The following RBMS3 variants were observed in gnomAD, a reference collection of about 807,000 sequenced individuals.
The protein encoded by RBMS3 is RNA-binding motif, single-stranded-interacting protein 3.
In RBMS3, 27 loss-of-function variants were observed where a neutral mutation model predicts 66.8. The observed-to-expected ratio is 0.40, with a 90% confidence interval of 0.30 to 0.56. RBMS3 has a LOEUF of 0.56. Among genes scored for constraint, RBMS3 ranks in the 20% least tolerant of loss-of-function variants. RBMS3 has a pLI of 0.40. For synonymous variants in RBMS3, 188 were observed against 183.0 expected (o/e 1.03, Z -0.22); for missense variants, 513 against 549.5 (o/e 0.93, Z 0.66).
chr3:29,388,770 T>C (rs1210155365), intron 1 of RBMS3, among the ~76,000 whole-genome samples: 2 of 152,164 alleles, frequency 1.3e-5, no homozygotes, highest in African/African-American at 2.4e-5. Context: ...TTCACCATGT[T>C]AGCCAGGATG....
At chr3:29,712,565 G>A (rs190123121) in intron 4 of RBMS3, among the ~76,000 whole-genome samples, 14 of 152,120 alleles carry the variant, frequency 9.2e-5, no homozygotes, top group Admixed American at 5.9e-4. Context: ...TGCCCACCTC[G>A]GACTCCCAAA....
intron 12 of RBMS3, among the ~76,000 whole-genome samples, chr3:29,956,056 A>G (rs79155787): frequency 0.016 from 2,451 of 152,176 alleles, 55 homozygotes; most frequent in African/African-American, 0.055. Flanking sequence ...AAGAGCCACA[A>G]CTCAAATACT....
chr3:29,629,853 T>A (rs955987421), intron 4 of RBMS3, among the ~76,000 whole-genome samples: 4 of 152,106 alleles, frequency 2.6e-5, no homozygotes, highest in Non-Finnish European at 5.9e-5. Context: ...AATTTCTCAG[T>A]GTAAGCACTA....
intron 6 of RBMS3, among the ~76,000 whole-genome samples, chr3:29,783,541 G>T (rs564041365): frequency 6.6e-6 from 1 of 152,162 alleles, no homozygotes; most frequent in Non-Finnish European, 1.5e-5. Context: ...AACTGTTAAA[G>T]GGAGCTCTAA....
Position 29,595,616 on chromosome 3 carries a change from C to T in RBMS3, c.399+8411C>T, listed in dbSNP as rs148549636. On this transcript the variant is annotated intron_variant, in intron 4 of 14. Coordinates refer to ENST00000383767, the MANE Select transcript of RBMS3 (RefSeq NM_001003793.3). ...AAGGAAAAGGTATTTTCTCTAAACA[C>T]CATTGTTGTCCATGGGGTGTGCCTA... 2.6e-5 allele frequency among the ~76,000 whole-genome samples: 4 copies of T among 152,192 alleles called. No individual in the cohort carries two copies. In the East Asian group the frequency reaches 5.8e-4, roughly 22 times the overall value.
intron 3 of RBMS3, among the ~76,000 whole-genome samples, chr3:29,584,781 A>C (rs1288182444): frequency 6.6e-6 from 1 of 151,894 alleles, no homozygotes; most frequent in Non-Finnish European, 1.5e-5. Context: ...CAAAGCATCC[A>C]TTTCACCCTA....
intron 10 of RBMS3, among the ~76,000 whole-genome samples, chr3:29,922,444 G>A (rs1409137415): frequency 2.0e-5 from 3 of 147,494 alleles, no homozygotes; most frequent in African/African-American, 7.6e-5. Flanking sequence ...CCGAGATTGC[G>A]CCACTGCAGT....
At chr3:29,360,005 A>C (rs1390116375) in intron 1 of RBMS3, among the ~76,000 whole-genome samples, 1 of 151,856 alleles carries the variant, frequency 6.6e-6, no homozygotes, top group African/African-American at 2.4e-5. Flanking sequence ...CAGCTCCTGG[A>C]TTCATTGATT....
At chr3:29,295,672 C>A (rs1392283318) in intron 1 of RBMS3, among the ~76,000 whole-genome samples, 1 of 151,424 alleles carries the variant, frequency 6.6e-6, no homozygotes, top group African/African-American at 2.4e-5. Context: ...GATATTCTTA[C>A]CAAGTTTTTA....
At chr3:29,473,756 CTCATTGCCCGGGGCCGGCAGGGCCGG>C (rs1559390704) in intron 2 of RBMS3, among the ~76,000 whole-genome samples, 11 of 152,244 alleles carry the variant, frequency 7.2e-5, no homozygotes, top group African/African-American at 2.7e-4. Flanking sequence ...TACTAAGCCG[CTCATTGCCCGGGGCCGGCAGGGCCGG>C]CCAGCCCCTC....
chr3:29,591,756 T>C (rs1447725749), intron 4 of RBMS3, among the ~76,000 whole-genome samples: 1 of 152,188 alleles, frequency 6.6e-6, no homozygotes, highest in Non-Finnish European at 1.5e-5. Context: ...TTGCTTTCTG[T>C]CGATTCCAAA....
chr3:29,443,662 G>T (rs532710147), intron 2 of RBMS3, among the ~76,000 whole-genome samples: 12 of 152,196 alleles, frequency 7.9e-5, no homozygotes, highest in African/African-American at 2.9e-4. Context: ...CTTCTGCAAA[G>T]AATAGATTTT....
intron 1 of RBMS3, among the ~76,000 whole-genome samples, chr3:29,297,061 G>A (rs940991686): frequency 4.6e-5 from 7 of 151,700 alleles, no homozygotes; most frequent in Non-Finnish European, 8.8e-5. Flanking sequence ...CGAAAACAGT[G>A]TGGTTAGGTG....
chr3:29,837,134 C>A (rs922188090), intron 6 of RBMS3, among the ~76,000 whole-genome samples: 3 of 151,962 alleles, frequency 2.0e-5, no homozygotes, highest in Non-Finnish European at 4.4e-5. Context: ...TTTTTGCAAA[C>A]GACTTGAGTA....
intron 4 of RBMS3, among the ~76,000 whole-genome samples, chr3:29,720,896 C>T (rs1336544066): frequency 2.0e-5 from 3 of 151,994 alleles, no homozygotes; most frequent in East Asian, 1.9e-4. Flanking sequence ...AGAGAAAAGA[C>T]GCTGACTAAA....
intron 8 of RBMS3, 104 bp downstream of exon 8, chr3:29,884,312 C>A: frequency 1.9e-6 from 2 of 1,074,076 alleles, no homozygotes; most frequent in Non-Finnish European, 2.7e-6. Context: ...TGTTTTACAT[C>A]CTTAAACACA....
chr3:29,293,317 A>G (rs1299982239), intron 1 of RBMS3, among the ~76,000 whole-genome samples: 2 of 151,814 alleles, frequency 1.3e-5, no homozygotes, highest in African/African-American at 2.4e-5. Flanking sequence ...AAAAAGCAAC[A>G]TTAGTTGTGA....
intron 2 of RBMS3, among the ~76,000 whole-genome samples, chr3:29,467,981 G>A (rs540807550): frequency 6.6e-6 from 1 of 152,052 alleles, no homozygotes; most frequent in Non-Finnish European, 1.5e-5. Context: ...CTTGGTAGAG[G>A]ACTAAATAAT....
At chr3:29,662,916 T>A (rs1443412747) in intron 4 of RBMS3, among the ~76,000 whole-genome samples, 1 of 152,186 alleles carries the variant, frequency 6.6e-6, no homozygotes, top group African/African-American at 2.4e-5. Context: ...TGAATATACA[T>A]CTAAGACAGT....
Sources: gnomAD v4.1 joint callset for allele counts (sites outside exome capture counted in the v4.1 genomes callset) on GRCh38, gnomAD v4.1.1 for gene constraint, MANE v1.5 for transcripts, NCBI Gene and HGNC (gene_info 2026-07-23, HGNC 2026-07-21) for gene names.